TENT4B: variants seen among roughly 807,000 people sequenced by gnomAD.
The protein encoded by TENT4B is PAP associated domain containing 5.
In TENT4B, 10 loss-of-function variants were observed where a neutral mutation model predicts 75.0. That is an observed-to-expected ratio of 0.13 (90% CI 0.08 to 0.23). The LOEUF (loss-of-function observed/expected upper bound fraction) is 0.23. TENT4B is among the 10% of genes least tolerant of loss of function. The probability of loss-of-function intolerance (pLI) is 1.00; values close to 1 mark genes in which losing one functional copy is unlikely to be tolerated. For synonymous variants in TENT4B, 350 were observed against 357.7 expected (o/e 0.98, Z 0.24); for missense variants, 579 against 893.8 (o/e 0.65, Z 4.49).
intron 1 of TENT4B, among the ~76,000 whole-genome samples, chr16:50,165,452 A>G (rs942910339): frequency 8.6e-5 from 13 of 151,252 alleles, no homozygotes; most frequent in African/African-American, 2.2e-4. Flanking sequence ...TTCACATACC[A>G]TAAATTTAAC....
chr16:50,217,985 G>A (rs2031651364), intron 5 of TENT4B, among the ~76,000 whole-genome samples: 1 of 151,436 alleles, frequency 6.6e-6, no homozygotes, highest in South Asian at 2.1e-4. Context: ...TGTTGGCCAG[G>A]CTGGTCTCTT....
intron 1 of TENT4B, among the ~76,000 whole-genome samples, chr16:50,188,458 G>A (rs138333471): frequency 7.2e-5 from 11 of 152,334 alleles, no homozygotes; most frequent in Admixed American, 3.3e-4. Flanking sequence ...AACAGCACAC[G>A]TGGGCTGTGA....
chr16:50,153,079 C>T (rs761278106), upstream of TENT4B: 3 of 1,376,208 alleles, frequency 2.2e-6, no homozygotes, highest in Admixed American at 2.8e-5. Context: ...TTGGGCCAGG[C>T]GGTTGCGGCC....
chr16:50,171,901 G>T (rs2038213258), intron 1 of TENT4B, among the ~76,000 whole-genome samples: 1 of 151,986 alleles, frequency 6.6e-6, no homozygotes, highest in Non-Finnish European at 1.5e-5. Context: ...GGAGGTGGAG[G>T]TTGCAGTGAG....
chr16:50,193,144 T>C (rs966758815), intron 1 of TENT4B, among the ~76,000 whole-genome samples: 8 of 151,950 alleles, frequency 5.3e-5, no homozygotes, highest in Admixed American at 4.6e-4. Flanking sequence ...GGTATGGCCA[T>C]TGGGTGTGGT....
chr16:50,182,890 C>CTTTTTT (rs1567488911), intron 1 of TENT4B, among the ~76,000 whole-genome samples: 1 of 8,266 alleles, frequency 1.2e-4, no homozygotes. Flanking sequence ...TTTTATTTTA[C>CTTTTTT]CTTTTTTTTT....
In TENT4B at chr16:50,234,822, A is replaced by G. The variant is rs2032398748; in HGVS notation, c.*5494A>G. On this transcript the variant is annotated 3_prime_UTR_variant, in exon 12 of 12. Coordinates refer to ENST00000561678, the MANE Select transcript of TENT4B (RefSeq NM_001365324.3). ...ATAAAGTGTGAAGGACTGTTGAGTT[A>G]AACATTTTTAGTGGAATATACATAG... 7.1e-6 allele frequency: 7 copies of G among 985,686 alleles called. No homozygotes were observed. Among genetic ancestry groups the G allele is most frequent in the Non-Finnish European group, 8.4e-6 (7 of 829,930 alleles). 61.1% of individuals were successfully genotyped at this position (985,686 alleles called of 1,614,324 possible).
chr16:50,164,001 T>C lies in TENT4B; in HGVS notation c.638+9742T>C, dbSNP rs185925586. 1.1e-3 allele frequency among the ~76,000 whole-genome samples: 164 copies of C among 151,580 alleles called. 3 individuals carry two copies. The highest frequency in any genetic ancestry group is 0.011 in the Admixed American group (162 of 15,232). On this transcript the variant is annotated intron_variant, in intron 1 of 11. Transcript: ENST00000561678. ...GGATAAACCGCCTCTCTACTAAAAA[T>C]ACAAAATTAGCCGGGCGTGGTGGCA...
chr16:50,214,683 G>A (rs74395385), intron 3 of TENT4B, among the ~76,000 whole-genome samples: 54 of 152,116 alleles, frequency 3.5e-4, no homozygotes, highest in Non-Finnish European at 6.5e-4. Context: ...ATAAATAAAG[G>A]ATTTACCAGC....
intron 1 of TENT4B, among the ~76,000 whole-genome samples, chr16:50,198,821 G>A (rs1455054421): frequency 1.3e-5 from 2 of 152,158 alleles, no homozygotes; most frequent in African/African-American, 2.4e-5. Context: ...CTGAGCCCTC[G>A]AATAGACAGA....
intron 6 of TENT4B, 100 bp downstream of exon 6, chr16:50,222,534 C>T: frequency 1.6e-6 from 2 of 1,260,080 alleles, no homozygotes; most frequent in Non-Finnish European, 2.2e-6. Context: ...CCTGTAATTG[C>T]ATTGCTTTCC....
intron 1 of TENT4B, among the ~76,000 whole-genome samples, chr16:50,165,887 A>G (rs1315758646): frequency 6.6e-6 from 1 of 152,144 alleles, no homozygotes; most frequent in Non-Finnish European, 1.5e-5. Flanking sequence ...GTAGACGTTC[A>G]TGTACAAGTT....
rs188970966 is a variant in TENT4B at position 50,166,764 on chromosome 16, C to A, written c.638+12505C>A. On this transcript the variant is annotated intron_variant, in intron 1 of 11. Transcript: ENST00000561678. ...CCACAGCTGGGACCACAGGCGCATGCCACCATGCCTGGCTAATTTTTTTTT... is the reference window on the plus strand; with the variant it reads ...CCACAGCTGGGACCACAGGCGCATGACACCATGCCTGGCTAATTTTTTTTT... 1.0e-3 allele frequency among the ~76,000 whole-genome samples: 155 copies of A among 148,336 alleles called. 2 individuals are homozygous for A. The highest frequency in any genetic ancestry group is 1.6e-4 in the Non-Finnish European group (11 of 67,534).
intron 1 of TENT4B, among the ~76,000 whole-genome samples, chr16:50,209,509 C>T (rs1274680333): frequency 1.3e-5 from 2 of 152,200 alleles, no homozygotes; most frequent in Non-Finnish European, 2.9e-5. Context: ...GAAAACGTCC[C>T]CACTGGGATA....
At chr16:50,196,730 C>T (rs2030280592) in intron 1 of TENT4B, among the ~76,000 whole-genome samples, 1 of 150,142 alleles carries the variant, frequency 6.7e-6, no homozygotes, top group South Asian at 2.1e-4. Context: ...AGTTTGAGAC[C>T]AGCCTGGGCA....
chr16:50,234,697 C>CGT lies in TENT4B; in HGVS notation c.*5372_*5373dup. 4.1e-6 allele frequency: 4 copies of CGT among 985,342 alleles called. No individual in the cohort carries two copies. Among genetic ancestry groups the CGT allele is most frequent in the Non-Finnish European group, 4.8e-6 (4 of 829,908 alleles). The allele number at this position is 985,342 out of a possible 1,614,324, so 61.0% of individuals were successfully genotyped here. ...ATAAATCACAAGCTTGTTTGTTAGA[C>CGT]GTGTCAAGAGTCTCCAGTCTTTACT... On this transcript the variant is annotated 3_prime_UTR_variant, in exon 12 of 12. Coordinates refer to ENST00000561678, the MANE Select transcript of TENT4B (RefSeq NM_001365324.3).
intron 5 of TENT4B, among the ~76,000 whole-genome samples, chr16:50,218,655 CT>C (rs1015554882): frequency 2.7e-5 from 4 of 150,294 alleles, no homozygotes; most frequent in South Asian, 4.2e-4. Flanking sequence ...CCCAGCTGTA[CT>C]TTTTTTTTTC....
chr16:50,153,117 C>T (rs1266114489), upstream of TENT4B: 2 of 1,099,580 alleles, frequency 1.8e-6, no homozygotes, highest in Non-Finnish European at 2.3e-6. Context: ...CTGTGACGCA[C>T]GGCGAGGCCT....
chr16:50,179,848 A>C (rs983001699), intron 1 of TENT4B, among the ~76,000 whole-genome samples: 1 of 152,100 alleles, frequency 6.6e-6, no homozygotes, highest in East Asian at 1.9e-4. Flanking sequence ...CTGTCAGCCC[A>C]AGTCTGTTAA....
Sources: allele counts gnomAD v4.1 joint callset (sites outside exome capture counted in the v4.1 genomes callset), GRCh38; gene constraint gnomAD v4.1.1; transcripts MANE v1.5; gene names NCBI Gene and HGNC (gene_info 2026-07-23, HGNC 2026-07-21).